PLEKHG7: variants seen among roughly 807,000 people sequenced by gnomAD.
PLEKHG7 encodes pleckstrin homology domain-containing family G member 7.
Under a neutral mutation model 85.2 loss-of-function variants are expected in PLEKHG7, and 77 were observed. That is an observed-to-expected ratio of 0.90 (90% CI 0.75 to 1.09). The LOEUF is 1.09. Ranked by LOEUF, PLEKHG7 falls within the 50% of genes least tolerant of loss-of-function variation. The probability of loss-of-function intolerance (pLI) is 0.00; values close to 1 mark genes in which losing one functional copy is unlikely to be tolerated. For synonymous variants in PLEKHG7, 301 were observed against 302.4 expected (o/e 1.00, Z 0.05); for missense variants, 777 against 804.3 (o/e 0.97, Z 0.41).
chr12:92,724,937 T>C (rs1264012377), intron 3 of PLEKHG7, among the ~76,000 whole-genome samples: 1 of 151,904 alleles, frequency 6.6e-6, no homozygotes, highest in African/African-American at 2.4e-5. Context: ...TTATCTATTA[T>C]TACAATAACA....
At chr12:92,722,065 T>TA (rs111491859) in intron 3 of PLEKHG7, among the ~76,000 whole-genome samples, 2,361 of 142,480 alleles carry the variant, frequency 0.017, 50 homozygotes, top group African/African-American at 0.044. Flanking sequence ...CCACATTTAT[T>TA]AAAAAAAAAA....
intron 3 of PLEKHG7, among the ~76,000 whole-genome samples, chr12:92,720,571 C>G (rs559070211): frequency 4.5e-4 from 69 of 152,202 alleles, no homozygotes; most frequent in African/African-American, 1.6e-3. Context: ...GGTGATCCGC[C>G]CACCTTGGTC....
At chr12:92,753,169 G>A (rs1872737490) in intron 10 of PLEKHG7, among the ~76,000 whole-genome samples, 1 of 152,138 alleles carries the variant, frequency 6.6e-6, no homozygotes, top group Non-Finnish European at 1.5e-5. Flanking sequence ...TGAACTCAGG[G>A]TCAATTTGGT....
intron 13 of PLEKHG7, 113 bp from the exon 14 acceptor site, chr12:92,761,639 A>AAAGGAAGAAAG (rs766646399): frequency 6.0e-6 from 3 of 497,948 alleles, no homozygotes; most frequent in Non-Finnish European, 8.5e-6. Flanking sequence ...AGAAAGAAAG[A>AAAGGAAGAAAG]AAGAAAGAAA....
intron 4 of PLEKHG7, among the ~76,000 whole-genome samples, chr12:92,731,176 ATT>A (rs1368300627): frequency 6.6e-6 from 1 of 152,226 alleles, no homozygotes; most frequent in Non-Finnish European, 1.5e-5. Flanking sequence ...GACCCCAATT[ATT>A]GCAGTTCAAA....
At chr12:92,742,849 T>A (rs1288629264) in intron 9 of PLEKHG7, among the ~76,000 whole-genome samples, 1 of 152,084 alleles carries the variant, frequency 6.6e-6, no homozygotes, top group Non-Finnish European at 1.5e-5. Flanking sequence ...TGAGCCACCA[T>A]ACCTGGCCCA....
chr12:92,732,026 C>A (rs1872006012), intron 4 of PLEKHG7, among the ~76,000 whole-genome samples: 1 of 152,136 alleles, frequency 6.6e-6, no homozygotes, highest in Admixed American at 6.5e-5. Context: ...CAACAGAACA[C>A]CAACTTTTAG....
intron 7 of PLEKHG7, 127 bp downstream of exon 7, chr12:92,737,648 AAGAG>A (rs1872199413): frequency 2.2e-6 from 2 of 922,002 alleles, no homozygotes; most frequent in South Asian, 3.8e-5. Context: ...AAGAGAGACA[AAGAG>A]AAAGAAAGGA....
chr12:92,710,908 G>A (rs1327859522), intron 3 of PLEKHG7, among the ~76,000 whole-genome samples: 1 of 152,160 alleles, frequency 6.6e-6, no homozygotes, highest in Admixed American at 6.5e-5. Context: ...CTCTGCTGAG[G>A]TCACCCATTC....
intron 5 of PLEKHG7, 22 bp from the exon 6 acceptor site, chr12:92,736,460 G>C (rs568950897): frequency 8.4e-5 from 102 of 1,214,692 alleles, no homozygotes; most frequent in Non-Finnish European, 9.7e-5. Flanking sequence ...TGAAAATCCT[G>C]TTTCTAACCA....
Position 92,703,008 on chromosome 12 carries a change from T to C in PLEKHG7, c.-286T>C, listed in dbSNP as rs1871123940. 1 of 152,220 alleles carries C rather than the reference T, an allele frequency of 6.6e-6. No homozygotes were observed. Among genetic ancestry groups the C allele is most frequent in the Non-Finnish European group, 1.5e-5 (1 of 68,048 alleles). 9.4% of individuals were successfully genotyped at this position (152,220 alleles called of 1,614,324 possible). On this transcript the variant is annotated 5_prime_UTR_variant, in exon 1 of 17. Transcript: ENST00000344636. ...GCTTTCACTCAGCCAGGAGGACGCATTGTTACAGGTGTGGAACTTGTTGCT... is the reference window on the plus strand; with the variant it reads ...GCTTTCACTCAGCCAGGAGGACGCACTGTTACAGGTGTGGAACTTGTTGCT...
intron 16 of PLEKHG7, among the ~76,000 whole-genome samples, 163 bp from the exon 17 acceptor site, chr12:92,769,925 G>T (rs1873352974): frequency 1.3e-5 from 2 of 152,146 alleles, no homozygotes; most frequent in Non-Finnish European, 2.9e-5. Context: ...ATTTATATTA[G>T]ATGTAAGAAA....
rs556338245 is a variant in PLEKHG7 at position 92,707,412 on chromosome 12, C to G, written c.508-238C>G. 7.7e-6 allele frequency: 11 copies of G among 1,429,086 alleles called. No individual in the cohort carries two copies. The African/African-American group carries it at 1.6e-4, about 20-fold the overall frequency. 88.5% of individuals were successfully genotyped at this position (1,429,086 alleles called of 1,614,324 possible). On this transcript the variant is annotated intron_variant, in intron 2 of 16. Transcript: ENST00000344636. ...CACCAAGGCCAGGCTTACCGATGGT[C>G]TGTCAGGTACCCGAGAGCAATGGGG...
At chr12:92,744,293 A>T (rs1872455089) in intron 9 of PLEKHG7, among the ~76,000 whole-genome samples, 2 of 152,222 alleles carry the variant, frequency 1.3e-5, no homozygotes, top group South Asian at 4.1e-4. Flanking sequence ...ATGGACACAT[A>T]AGCTTAGCAA....
At chr12:92,768,581 T>C (rs1054297827) in intron 15 of PLEKHG7, among the ~76,000 whole-genome samples, 3 of 152,200 alleles carry the variant, frequency 2.0e-5, no homozygotes, top group African/African-American at 7.2e-5. Flanking sequence ...AATAAAATTT[T>C]TTAAAGGAGT....
chr12:92,745,541 T>C lies in PLEKHG7; in HGVS notation c.1201T>C (p.Phe401Leu). 6.2e-7 allele frequency: 1 copy of C among 1,614,034 alleles called. No individual in the cohort carries two copies. Among genetic ancestry groups the C allele is most frequent in the South Asian group, 1.1e-5 (1 of 91,076 alleles). The part of the protein sequence containing the change: ...TYCLNYSAAI[F>L]YLESLRQRDD... ...CTGCCTGAACTATTCAGCTGCTATC[T>C]TTTATCTTGAGAGCCTGAGGCAGAG... Residue 401 changes from phenylalanine to leucine, a missense_variant, in exon 10 of 17, where the codon TTT (phenylalanine) becomes CTT (leucine). Coordinates refer to ENST00000344636, the MANE Select transcript of PLEKHG7 (RefSeq NM_001377329.1).
chr12:92,768,791 T>C (rs1873299718), intron 15 of PLEKHG7, among the ~76,000 whole-genome samples, 192 bp from the exon 16 acceptor site: 1 of 152,070 alleles, frequency 6.6e-6, no homozygotes, highest in Admixed American at 6.5e-5. Context: ...GTAGGCTTTA[T>C]TTGGACATAG....
intron 2 of PLEKHG7, 183 bp downstream of exon 2, chr12:92,707,321 C>T (rs1871265754): frequency 1.4e-6 from 2 of 1,429,526 alleles, no homozygotes; most frequent in Admixed American, 5.8e-5. Flanking sequence ...GGGCAGCAAT[C>T]TGGGGAGGAA....
At chr12:92,754,297 G>T in intron 11 of PLEKHG7, 33 bp downstream of exon 11, 1 of 1,602,474 alleles carries the variant, frequency 6.2e-7, no homozygotes, top group Non-Finnish European at 8.5e-7. Flanking sequence ...CTTAATTACA[G>T]AATTGTGGCC....
Sources: allele counts gnomAD v4.1 joint callset (sites outside exome capture counted in the v4.1 genomes callset), GRCh38; gene constraint gnomAD v4.1.1; transcripts MANE v1.5; gene names NCBI Gene and HGNC (gene_info 2026-07-23, HGNC 2026-07-21).